The following ROBO2 variants were observed in gnomAD, a reference collection of about 807,000 sequenced individuals.
ROBO2 encodes the protein roundabout guidance receptor 2.
A neutral mutation model predicts 160.8 loss-of-function variants in ROBO2; 53 were observed. That is an observed-to-expected ratio of 0.33 (90% CI 0.26 to 0.41). The LOEUF is 0.41. Ranked by LOEUF, ROBO2 falls within the 10% of genes least tolerant of loss-of-function variation. The pLI is 1.00. For synonymous variants in ROBO2, 664 were observed against 611.7 expected, an observed-to-expected ratio of 1.09 and a Z score of -1.26; for missense variants, 1,577 against 1,722.4, an observed-to-expected ratio of 0.92 and a Z score of 1.49.
At chr3:77,525,385 CAG>C (rs1225278625) in intron 6 of ROBO2, among the ~76,000 whole-genome samples, 1 of 147,476 alleles carries the variant, frequency 6.8e-6, no homozygotes, top group Non-Finnish European at 1.5e-5. Flanking sequence ...AAATTTGAAA[CAG>C]ATCTACTCAG....
intron 2 of ROBO2, among the ~76,000 whole-genome samples, chr3:76,369,211 C>T (rs1311564676): frequency 5.3e-5 from 8 of 151,930 alleles, no homozygotes; most frequent in Admixed American, 5.3e-4. Context: ...CTTCATTGGT[C>T]AGGTATTAAC....
intron 2 of ROBO2, among the ~76,000 whole-genome samples, chr3:77,261,768 ATT>A (rs10710219): frequency 0.049 from 6,627 of 135,552 alleles, 156 homozygotes; most frequent in African/African-American, 0.096. Context: ...TTCTGATTTC[ATT>A]TTTTTTTTTT....
intron 2 of ROBO2, among the ~76,000 whole-genome samples, chr3:76,909,771 C>T (rs931704761): frequency 2.6e-5 from 4 of 152,090 alleles, no homozygotes; most frequent in Admixed American, 6.6e-5. Flanking sequence ...AATTTTATTT[C>T]GTGTAAAACT....
At chr3:77,613,000 G>A (rs557989154) in intron 21 of ROBO2, among the ~76,000 whole-genome samples, 1 of 152,218 alleles carries the variant, frequency 6.6e-6, no homozygotes, top group South Asian at 2.1e-4. Context: ...ATTAATTCTA[G>A]TTAATGGGAA....
At chr3:76,863,100 C>T (rs1367119637) in intron 2 of ROBO2, among the ~76,000 whole-genome samples, 4 of 152,088 alleles carry the variant, frequency 2.6e-5, no homozygotes, top group Non-Finnish European at 4.4e-5. Flanking sequence ...AAAAATTGCC[C>T]TCTGCAATAC....
chr3:76,577,397 C>A (rs1015311801), intron 2 of ROBO2, among the ~76,000 whole-genome samples: 2 of 151,960 alleles, frequency 1.3e-5, no homozygotes, highest in African/African-American at 4.8e-5. Flanking sequence ...ACAGCTTTCC[C>A]TTGGAAACTA....
chr3:76,072,763 A>G (rs977887421), intron 2 of ROBO2, among the ~76,000 whole-genome samples: 19 of 152,332 alleles, frequency 1.2e-4, no homozygotes, highest in African/African-American at 4.6e-4. Context: ...ATAAGAGATG[A>G]CAGACATAGG....
intron 24 of ROBO2, 146 bp from the exon 27 acceptor site, chr3:77,644,558 C>T (rs937523490): frequency 2.6e-5 from 19 of 719,398 alleles, no homozygotes; most frequent in African/African-American, 7.1e-5. Context: ...CTTTAATATC[C>T]GGTCCTGATT....
intron 2 of ROBO2, among the ~76,000 whole-genome samples, chr3:76,927,863 TGAAGTGGTTATGGAG>T (rs1220094721): frequency 2.0e-5 from 3 of 152,100 alleles, no homozygotes; most frequent in Non-Finnish European, 4.4e-5. Context: ...GTGAGAAAGA[TGAAGTGGTTATGGAG>T]GGAGAGGATG....
intron 2 of ROBO2, among the ~76,000 whole-genome samples, chr3:76,566,359 G>T (rs1453366208): frequency 6.6e-6 from 1 of 152,166 alleles, no homozygotes; most frequent in African/African-American, 2.4e-5. Flanking sequence ...GCACACCCCA[G>T]AGGCCTTACG....
chr3:76,890,546 T>G (rs910146055), intron 2 of ROBO2, among the ~76,000 whole-genome samples: 19 of 152,156 alleles, frequency 1.2e-4, no homozygotes, highest in African/African-American at 4.6e-4. Context: ...GCCTGAAATT[T>G]TCTTAGGATG....
chr3:77,041,190 T>A (rs1226064340), intron 1 of ROBO2, among the ~76,000 whole-genome samples: 1 of 152,258 alleles, frequency 6.6e-6, no homozygotes, highest in Admixed American at 6.5e-5. Context: ...GCCTGCTCTC[T>A]ATTTGATGTT....
At chr3:77,573,405 C>T (rs2093684739) in intron 13 of ROBO2, among the ~76,000 whole-genome samples, 1 of 151,818 alleles carries the variant, frequency 6.6e-6, no homozygotes, top group South Asian at 2.1e-4. Flanking sequence ...CAAACAAAAA[C>T]ACTTTTTAAA....
intron 2 of ROBO2, among the ~76,000 whole-genome samples, chr3:76,307,016 T>C (rs1008711490): frequency 1.3e-5 from 2 of 152,206 alleles, no homozygotes; most frequent in Non-Finnish European, 2.9e-5. Context: ...CCATTGAAGA[T>C]AAAGCCTAAA....
At chr3:77,184,268 T>A (rs2081073529) in intron 2 of ROBO2, among the ~76,000 whole-genome samples, 1 of 151,964 alleles carries the variant, frequency 6.6e-6, no homozygotes, top group Non-Finnish European at 1.5e-5. Context: ...GTCTTTTAAA[T>A]CAAAAATGCA....
intron 2 of ROBO2, among the ~76,000 whole-genome samples, chr3:77,205,233 G>A (rs1465351120): frequency 6.6e-6 from 1 of 152,066 alleles, no homozygotes. Flanking sequence ...TCACACATGG[G>A]CTTGAAGGAT....
At chr3:76,520,932 T>C (rs1204854751) in intron 2 of ROBO2, among the ~76,000 whole-genome samples, 2 of 152,208 alleles carry the variant, frequency 1.3e-5, no homozygotes, top group South Asian at 2.1e-4. Flanking sequence ...CAGTATACTA[T>C]AGAAAACATT....
At chr3:76,709,167 T>G (rs264557) in intron 2 of ROBO2, among the ~76,000 whole-genome samples, 13,096 of 152,216 alleles carry the variant, frequency 0.086, 739 homozygotes, top group African/African-American at 0.14. Context: ...CATTGAAAAT[T>G]AGATATGCAT....
intron 2 of ROBO2, chr3:76,311,548 T>C (rs2071586975): frequency 6.6e-6 from 1 of 152,034 alleles, no homozygotes; most frequent in Non-Finnish European, 1.5e-5. Flanking sequence ...GGAAAGGGGG[T>C]CTGCGTTGCA....
Sources: allele counts gnomAD v4.1 joint callset (sites outside exome capture counted in the v4.1 genomes callset), GRCh38; gene constraint gnomAD v4.1.1; transcripts MANE v1.5; gene names NCBI Gene and HGNC (gene_info 2026-07-23, HGNC 2026-07-21).